RHBDD1: variants seen among roughly 807,000 people sequenced by gnomAD.
The protein encoded by RHBDD1 is rhomboid-related protein 4.
RHBDD1 carries 38 observed loss-of-function variants against 36.3 expected under a neutral mutation model. That is an observed-to-expected ratio of 1.05 (90% confidence interval 0.81 to 1.37). RHBDD1 has a LOEUF of 1.37. Ranked by LOEUF, RHBDD1 falls within the 40% of genes most tolerant of loss-of-function variation. The pLI is 0.00. For synonymous variants in RHBDD1, 151 were observed against 136.5 expected (o/e 1.11, Z -0.74); for missense variants, 393 against 377.6 (o/e 1.04, Z -0.34).
chr2:226,814,169 C>T, the RHBDD1 span, among the ~76,000 whole-genome samples: 5 of 152,116 alleles, frequency 3.3e-5, no homozygotes, highest in Admixed American at 6.6e-5. Flanking sequence ...CATGTGGACT[C>T]GAGTAAAGTG....
At chr2:226,889,772 C>A (rs1220656810) in intron 5 of RHBDD1, among the ~76,000 whole-genome samples, 1 of 152,188 alleles carries the variant, frequency 6.6e-6, no homozygotes, top group African/African-American at 2.4e-5. Context: ...GTATATCCAT[C>A]AGGGATGAAG....
intron 3 of RHBDD1, among the ~76,000 whole-genome samples, chr2:226,841,486 G>A (rs1438671272): frequency 6.6e-6 from 1 of 152,106 alleles, no homozygotes; most frequent in Non-Finnish European, 1.5e-5. Flanking sequence ...CCAGTGTGTG[G>A]TGGCTCCCTG....
intron 5 of RHBDD1, among the ~76,000 whole-genome samples, chr2:226,868,143 G>A (rs1436298590): frequency 3.3e-5 from 5 of 152,186 alleles, no homozygotes; most frequent in Admixed American, 3.3e-4. Context: ...GTTGAGAAGT[G>A]GAATGGGGCC....
At chr2:226,960,764 G>A (rs2149264239) in intron 8 of RHBDD1, among the ~76,000 whole-genome samples, 1 of 152,282 alleles carries the variant, frequency 6.6e-6, no homozygotes, top group African/African-American at 2.4e-5. Flanking sequence ...AGGGACCTTA[G>A]CAGTCACTCT....
At chr2:226,986,948 C>A (rs1957086408) in intron 8 of RHBDD1, among the ~76,000 whole-genome samples, 1 of 152,142 alleles carries the variant, frequency 6.6e-6, no homozygotes, top group Admixed American at 6.5e-5. Flanking sequence ...CAGTGATCGA[C>A]TGGATAAAGA....
intron 1 of RHBDD1, among the ~76,000 whole-genome samples, chr2:226,837,344 G>GATCC (rs1941090675): frequency 6.6e-6 from 1 of 152,206 alleles, no homozygotes; most frequent in Admixed American, 6.5e-5. Flanking sequence ...GTAGCGCATG[G>GATCC]ATATTGGGAC....
At chr2:226,853,704 A>T (rs1943055397) in intron 3 of RHBDD1, among the ~76,000 whole-genome samples, 1 of 152,246 alleles carries the variant, frequency 6.6e-6, no homozygotes, top group Non-Finnish European at 1.5e-5. Flanking sequence ...AATGTGTGGG[A>T]TGCATGTGAA....
At chr2:226,874,993 C>T (rs1477106641) in intron 5 of RHBDD1, among the ~76,000 whole-genome samples, 1 of 152,172 alleles carries the variant, frequency 6.6e-6, no homozygotes, top group African/African-American at 2.4e-5. Context: ...CCTGATTCCT[C>T]CAGGCAGTGT....
At chr2:226,895,034 G>A (rs1946985381) in intron 5 of RHBDD1, among the ~76,000 whole-genome samples, 1 of 152,198 alleles carries the variant, frequency 6.6e-6, no homozygotes, top group African/African-American at 2.4e-5. Flanking sequence ...CTGAGCCCTG[G>A]CAGAAGGGAG....
intron 8 of RHBDD1, among the ~76,000 whole-genome samples, chr2:226,938,479 G>C (rs1950484381): frequency 6.6e-6 from 1 of 152,148 alleles, no homozygotes; most frequent in Non-Finnish European, 1.5e-5. Context: ...ACAATAATCA[G>C]AGAATATTAT....
intron 5 of RHBDD1, among the ~76,000 whole-genome samples, chr2:226,874,756 A>G (rs1384636088): frequency 6.6e-6 from 1 of 152,190 alleles, no homozygotes. Context: ...CATCAGTTCC[A>G]GGGATTTGGA....
chr2:226,988,554 G>A (rs1957509060), intron 8 of RHBDD1: 13 of 1,414,626 alleles, frequency 9.2e-6, no homozygotes, highest in Non-Finnish European at 1.1e-5. Context: ...CCCTCTCTGC[G>A]GACTGGTGTG....
the RHBDD1 span, among the ~76,000 whole-genome samples, chr2:226,802,464 G>A: frequency 1.3e-5 from 2 of 152,098 alleles, no homozygotes; most frequent in East Asian, 3.9e-4. Context: ...TTATTAATGG[G>A]CTAACTGGAA....
At chr2:226,842,888 T>G (rs1333436446) in intron 3 of RHBDD1, among the ~76,000 whole-genome samples, 1 of 152,234 alleles carries the variant, frequency 6.6e-6, no homozygotes, top group Admixed American at 6.5e-5. Context: ...TTTCATGATA[T>G]TGATTCTCTC....
At position 226,998,129 on chromosome 2, in the gene RHBDD1, G is replaced by A. The variant is rs1959926665; in HGVS notation, c.*2607G>A. 1 of 152,194 alleles carries A rather than the reference G, an allele frequency of 6.6e-6. No homozygotes were observed. Among genetic ancestry groups the A allele is most frequent in the Non-Finnish European group, 1.5e-5 (1 of 68,042 alleles). The allele number at this position is 152,194 out of a possible 1,614,324, so 9.4% of individuals were successfully genotyped here. On this transcript the variant is annotated 3_prime_UTR_variant, in exon 9 of 9. Coordinates refer to ENST00000392062, the MANE Select transcript of RHBDD1 (RefSeq NM_001167608.3). Reference sequence around the variant, plus strand: ...TTTGGTGTGGTCAGTCAACTTAAGCGACCTTTTAATGCAGAATCTTTACTT... The same window carrying A: ...TTTGGTGTGGTCAGTCAACTTAAGCAACCTTTTAATGCAGAATCTTTACTT...
At chr2:226,841,084 T>C (rs1941565684) in intron 3 of RHBDD1, among the ~76,000 whole-genome samples, 1 of 152,168 alleles carries the variant, frequency 6.6e-6, no homozygotes, top group East Asian at 1.9e-4. Context: ...CCTAACATAT[T>C]GAAGGAAATT....
chr2:226,897,882 G>A (rs370246670), intron 5 of RHBDD1, among the ~76,000 whole-genome samples: 3 of 152,152 alleles, frequency 2.0e-5, no homozygotes, highest in East Asian at 1.9e-4. Context: ...GGGAGGCTGA[G>A]GCAGGAGAAT....
chr2:226,981,911 A>C (rs1955856060), intron 8 of RHBDD1, among the ~76,000 whole-genome samples: 1 of 152,022 alleles, frequency 6.6e-6, no homozygotes, highest in South Asian at 2.1e-4. Flanking sequence ...GAGCTTATCT[A>C]CTCCAAACAG....
chr2:226,832,696 T>C (rs768028272), upstream of RHBDD1, among the ~76,000 whole-genome samples: 1 of 152,236 alleles, frequency 6.6e-6, no homozygotes, highest in Non-Finnish European at 1.5e-5. Context: ...TTGACCCTCT[T>C]ATCAGTATGG....
Sources: gnomAD v4.1 joint callset for allele counts (sites outside exome capture counted in the v4.1 genomes callset) on GRCh38, gnomAD v4.1.1 for gene constraint, MANE v1.5 for transcripts, NCBI Gene and HGNC (gene_info 2026-07-23, HGNC 2026-07-21) for gene names.